LDB2: variants seen among roughly 807,000 people sequenced by gnomAD.
LDB2 encodes LIM domain binding 2.
Under a neutral mutation model 44.3 loss-of-function variants are expected in LDB2, and 12 were observed. The observed-to-expected ratio is 0.27, with a 90% CI of 0.17 to 0.44. The LOEUF is 0.44. Ranked by LOEUF, LDB2 falls within the 20% of genes least tolerant of loss-of-function variation. LDB2 has a pLI of 1.00. For synonymous variants in LDB2, 164 were observed against 174.8 expected, an observed-to-expected ratio of 0.94 and a Z score of 0.49; for missense variants, 344 against 473.5, an observed-to-expected ratio of 0.73 and a Z score of 2.54.
intron 2 of LDB2, among the ~76,000 whole-genome samples, chr4:16,635,218 C>T (rs1055600695): frequency 8.6e-5 from 13 of 152,026 alleles, no homozygotes; most frequent in Admixed American, 3.3e-4. Context: ...TGTAGCAAAC[C>T]ACCATGGCAC....
intron 1 of LDB2, among the ~76,000 whole-genome samples, chr4:16,786,900 A>G (rs1774556436): frequency 6.6e-6 from 1 of 152,046 alleles, no homozygotes; most frequent in Non-Finnish European, 1.5e-5. Flanking sequence ...GAACCCTACC[A>G]CCGGTGGAGT....
intron 1 of LDB2, among the ~76,000 whole-genome samples, chr4:16,843,984 A>G (rs1786403638): frequency 1.3e-5 from 2 of 151,636 alleles, no homozygotes; most frequent in Non-Finnish European, 2.9e-5. Flanking sequence ...CAAGTGTGGT[A>G]GCTGACACTG....
At chr4:16,768,707 G>A (rs1426090619) in intron 1 of LDB2, among the ~76,000 whole-genome samples, 8 of 152,028 alleles carry the variant, frequency 5.3e-5, no homozygotes, top group East Asian at 1.9e-4. Context: ...GGTCTATCTC[G>A]AACCATGTTT....
At chr4:16,558,435 C>T (rs1352348388) in intron 5 of LDB2, among the ~76,000 whole-genome samples, 5 of 152,066 alleles carry the variant, frequency 3.3e-5, no homozygotes, top group South Asian at 2.1e-4. Flanking sequence ...GGAGCCGATG[C>T]GATCAACTGG....
At chr4:16,713,348 A>AAAAT (rs1756353918) in intron 2 of LDB2, among the ~76,000 whole-genome samples, 1 of 142,072 alleles carries the variant, frequency 7.0e-6, no homozygotes, top group East Asian at 2.3e-4. Flanking sequence ...CAATATGCAT[A>AAAAT]AAATAAATAG....
intron 2 of LDB2, among the ~76,000 whole-genome samples, chr4:16,676,645 C>G (rs1746411374): frequency 6.6e-6 from 1 of 152,234 alleles, no homozygotes; most frequent in Admixed American, 6.5e-5. Flanking sequence ...GAAATCATCT[C>G]TACCTTTGAG....
chr4:16,640,918 C>A (rs1186613568), intron 2 of LDB2, among the ~76,000 whole-genome samples: 3 of 152,190 alleles, frequency 2.0e-5, no homozygotes, highest in Admixed American at 6.5e-5. Flanking sequence ...AATTTCAAGA[C>A]AATTTTGTTT....
intron 1 of LDB2, among the ~76,000 whole-genome samples, chr4:16,884,909 A>G (rs1721191518): frequency 6.7e-6 from 1 of 150,348 alleles, no homozygotes; most frequent in Non-Finnish European, 1.5e-5. Context: ...TAAATTATCC[A>G]AGGTCACACA....
chr4:16,854,504 T>TACACACACACAC (rs61445499), intron 1 of LDB2, among the ~76,000 whole-genome samples: 47 of 145,276 alleles, frequency 3.2e-4, no homozygotes, highest in South Asian at 4.3e-4. Context: ...TAAATATAAA[T>TACACACACACAC]ACACACACAC....
At chr4:16,791,809 G>A (rs1466824129) in intron 1 of LDB2, among the ~76,000 whole-genome samples, 1 of 152,082 alleles carries the variant, frequency 6.6e-6, no homozygotes, top group African/African-American at 2.4e-5. Flanking sequence ...GACCCTTCAG[G>A]TATCATAAAA....
intron 2 of LDB2, among the ~76,000 whole-genome samples, chr4:16,596,284 G>A (rs1330043575): frequency 1.3e-5 from 2 of 152,076 alleles, no homozygotes; most frequent in South Asian, 2.1e-4. Context: ...ACCCAGTCAT[G>A]TTTTATTTTT....
At chr4:16,701,776 ATTAC>A (rs1272848815) in intron 2 of LDB2, among the ~76,000 whole-genome samples, 3 of 152,172 alleles carry the variant, frequency 2.0e-5, no homozygotes, top group African/African-American at 4.8e-5. Context: ...TATTGTTCAC[ATTAC>A]TTAAACTTTC....
chr4:16,557,384 A>G (rs1388183833), intron 5 of LDB2, among the ~76,000 whole-genome samples: 2 of 152,198 alleles, frequency 1.3e-5, no homozygotes, highest in African/African-American at 4.8e-5. Flanking sequence ...CGACGGGCTT[A>G]AAAAGGCGCA....
intron 1 of LDB2, among the ~76,000 whole-genome samples, chr4:16,804,268 A>G (rs1561285600): frequency 6.6e-6 from 1 of 152,140 alleles, no homozygotes; most frequent in Non-Finnish European, 1.5e-5. Flanking sequence ...TTATACAATT[A>G]GATTTTGTGT....
rs1308620144 is a variant in LDB2, at chr4:16,668,818, G to A, written c.236-72943C>T. 2.0e-5 allele frequency among the ~76,000 whole-genome samples: 3 copies of A among 152,158 alleles called. No individual in the cohort carries two copies. The East Asian group carries it at 5.8e-4, about 29-fold the overall frequency. Reference sequence around the variant, plus strand: ...TACAGCTCTGTCTTCTTTGTTCCCTGTCTCACCTCTGCCTTAGTTCATTTT... The same window carrying A: ...TACAGCTCTGTCTTCTTTGTTCCCTATCTCACCTCTGCCTTAGTTCATTTT... On this transcript the variant is annotated intron_variant, in intron 2 of 7. Transcript: ENST00000304523.
chr4:16,537,065 G>T (rs897868193), intron 5 of LDB2, among the ~76,000 whole-genome samples: 11 of 152,282 alleles, frequency 7.2e-5, no homozygotes, highest in African/African-American at 2.6e-4. Context: ...GTATAAGCCT[G>T]TGTGTGTGGC....
At chr4:16,775,244 C>T (rs146535807) in intron 1 of LDB2, among the ~76,000 whole-genome samples, 41 of 152,278 alleles carry the variant, frequency 2.7e-4, no homozygotes, top group African/African-American at 9.9e-4. Context: ...AAATGCCCAA[C>T]AAAGGACACA....
intron 2 of LDB2, among the ~76,000 whole-genome samples, chr4:16,606,025 C>T (rs761226413): frequency 7.2e-5 from 11 of 152,208 alleles, no homozygotes; most frequent in Non-Finnish European, 1.3e-4. Context: ...GTTCCCTGAC[C>T]ACCCTATACC....
rs116088767 is a variant in LDB2, at chr4:16,525,947, G to A, written c.616-13843C>T. ...TTCCATGGCATAGGGAATTACAGCCGCTAATCAACTGCCCTTGAGATCCAG... is the reference window on the plus strand; with the variant it reads ...TTCCATGGCATAGGGAATTACAGCCACTAATCAACTGCCCTTGAGATCCAG... On this transcript the variant is annotated intron_variant, in intron 5 of 7. Coordinates refer to ENST00000304523, the MANE Select transcript of LDB2 (RefSeq NM_001290.5). Among the ~76,000 whole-genome samples the A allele has an allele frequency of 5.0e-3, 766 of 152,288 alleles. 8 individuals carry two copies. Among genetic ancestry groups the A allele is most frequent in the African/African-American group, 0.016 (652 of 41,580 alleles).
Sources: allele counts gnomAD v4.1 joint callset (sites outside exome capture counted in the v4.1 genomes callset), GRCh38; gene constraint gnomAD v4.1.1; transcripts MANE v1.5; gene names NCBI Gene and HGNC (gene_info 2026-07-23, HGNC 2026-07-21).